Variants in ZNF609 observed in about 807,000 individuals in gnomAD.
The protein encoded by ZNF609 is zinc finger protein 609.
In ZNF609, 11 loss-of-function variants were observed where a neutral mutation model predicts 109.5. The ratio of observed to expected loss-of-function variants is 0.10; its 90% CI spans 0.06 to 0.17. The LOEUF (loss-of-function observed/expected upper bound fraction) is 0.17, where lower values mean the gene tolerates loss of function less well. Among genes scored for constraint, ZNF609 ranks in the 10% least tolerant of loss-of-function variants. ZNF609 has a pLI of 1.00. For missense variants in ZNF609, 1,559 were observed against 1,772.4 expected (o/e 0.88, Z 2.16); for synonymous variants, 646 against 662.0 (o/e 0.98, Z 0.37).
intron 2 of ZNF609, among the ~76,000 whole-genome samples, chr15:64,512,752 C>T (rs563019579): frequency 6.6e-6 from 1 of 151,710 alleles, no homozygotes; most frequent in African/African-American, 2.4e-5. Flanking sequence ...AAGTCTTATG[C>T]CTGAAGAAGA....
intron 2 of ZNF609, among the ~76,000 whole-genome samples, chr15:64,622,309 G>A (rs1040151918): frequency 1.3e-5 from 2 of 152,110 alleles, no homozygotes; most frequent in Non-Finnish European, 2.9e-5. Context: ...GCATTCCTAG[G>A]ATTTGGCTAT....
chr15:64,621,069 ACT>A (rs1010904719), intron 2 of ZNF609, among the ~76,000 whole-genome samples: 2 of 151,974 alleles, frequency 1.3e-5, no homozygotes, highest in Admixed American at 6.6e-5. Context: ...CTCACAAAGG[ACT>A]CTCTATTAAA....
intron 1 of ZNF609, chr15:64,471,481 C>T (rs973371680): frequency 6.6e-6 from 1 of 152,124 alleles, no homozygotes; most frequent in Non-Finnish European, 1.5e-5. Flanking sequence ...ATCTATAGCA[C>T]ATTACTAATT....
intron 2 of ZNF609, among the ~76,000 whole-genome samples, chr15:64,564,482 G>A (rs1170532888): frequency 5.3e-5 from 8 of 152,194 alleles, no homozygotes; most frequent in Non-Finnish European, 8.8e-5. Context: ...GTAACATTTA[G>A]AAGTTGAGAG....
chr15:64,567,192 G>C (rs998339845), intron 2 of ZNF609, among the ~76,000 whole-genome samples: 2 of 151,992 alleles, frequency 1.3e-5, no homozygotes, highest in African/African-American at 2.4e-5. Context: ...CCTTTAAAAA[G>C]CCTTGCATTC....
At chr15:64,627,358 A>T (rs1235748982) in intron 3 of ZNF609, among the ~76,000 whole-genome samples, 1 of 152,200 alleles carries the variant, frequency 6.6e-6, no homozygotes, top group Non-Finnish European at 1.5e-5. Context: ...TTTTAAAGAA[A>T]GGCAAGGCTG....
In ZNF609 at chr15:64,623,068, G is replaced by A. The variant is rs768580778; in HGVS notation, c.973+16G>A. ...ACAGAAGATGGTAAGTGTGATATGTGGCTTTCCCCTCCCTTCTCAACCTGC... is the reference window on the plus strand; with the variant it reads ...ACAGAAGATGGTAAGTGTGATATGTAGCTTTCCCCTCCCTTCTCAACCTGC... On this transcript the variant is annotated intron_variant, in intron 3 of 9. Transcript: ENST00000326648. The A allele has an allele frequency of 6.2e-7, 1 of 1,610,508 alleles. No homozygotes were observed. Among genetic ancestry groups the A allele is most frequent in the South Asian group, 1.1e-5 (1 of 91,004 alleles).
At chr15:64,469,960 A>G (rs1265184128) in intron 1 of ZNF609, among the ~76,000 whole-genome samples, 1 of 152,162 alleles carries the variant, frequency 6.6e-6, no homozygotes, top group Non-Finnish European at 1.5e-5. Flanking sequence ...GAAATCTGGG[A>G]GCTAAATTGG....
At chr15:64,484,365 A>T (rs768967991) in intron 1 of ZNF609, among the ~76,000 whole-genome samples, 1 of 152,146 alleles carries the variant, frequency 6.6e-6, no homozygotes, top group Non-Finnish European at 1.5e-5. Context: ...TTAGCTAACA[A>T]TTGCAGCCCC....
chr15:64,506,405 G>C (rs1426990536), intron 2 of ZNF609, among the ~76,000 whole-genome samples: 1 of 149,974 alleles, frequency 6.7e-6, no homozygotes, highest in Non-Finnish European at 1.5e-5. Context: ...TTACAGGCAT[G>C]AGCCGTCACA....
intron 2 of ZNF609, among the ~76,000 whole-genome samples, chr15:64,552,948 C>A (rs748337410): frequency 3.9e-5 from 6 of 152,146 alleles, no homozygotes; most frequent in Non-Finnish European, 8.8e-5. Context: ...TGCACTCAGC[C>A]AAAATGAGTT....
At chr15:64,518,482 C>T (rs1166280521) in intron 2 of ZNF609, among the ~76,000 whole-genome samples, 1 of 152,176 alleles carries the variant, frequency 6.6e-6, no homozygotes, top group Non-Finnish European at 1.5e-5. Context: ...CCTTAAAAGC[C>T]TTGTTAAAGG....
rs141999944 is a variant in ZNF609 at position 64,507,967 on chromosome 15, A to G, written c.747+7801A>G. Among the ~76,000 whole-genome samples, 970 of 152,290 alleles carry G rather than the reference A, an allele frequency of 6.4e-3. 14 individuals carry two copies. Among genetic ancestry groups the G allele is most frequent in the African/African-American group, 0.022 (928 of 41,558 alleles). ...ACCTTTCCTGGCTGACCGAGGAGAC[A>G]TTTTTAACAAATCCTATTCCCTAAA... On this transcript the variant is annotated intron_variant, in intron 2 of 9. Coordinates refer to ENST00000326648, the MANE Select transcript of ZNF609 (RefSeq NM_015042.2).
chr15:64,680,972 C>A, intron 8 of ZNF609, 110 bp downstream of exon 8: 1 of 1,289,326 alleles, frequency 7.8e-7, no homozygotes, highest in Non-Finnish European at 1.0e-6. Flanking sequence ...TCATAAGAAT[C>A]CTTTTTTAAT....
intron 2 of ZNF609, among the ~76,000 whole-genome samples, chr15:64,603,942 A>T (rs967633095): frequency 9.6e-5 from 14 of 145,206 alleles, no homozygotes; most frequent in Non-Finnish European, 2.0e-4. Context: ...AGGTTGCAGT[A>T]AGCCGAGATC....
intron 3 of ZNF609, among the ~76,000 whole-genome samples, chr15:64,656,690 T>C (rs772642849): frequency 6.6e-6 from 1 of 151,910 alleles, no homozygotes; most frequent in Non-Finnish European, 1.5e-5. Context: ...TCCTTCCTTC[T>C]TTTCTTCCTC....
At chr15:64,577,076 A>AC (rs1347170615) in intron 2 of ZNF609, among the ~76,000 whole-genome samples, 5 of 46,528 alleles carry the variant, frequency 1.1e-4, no homozygotes, top group Non-Finnish European at 2.7e-4. Context: ...ATATATACAC[A>AC]AATATATACA....
At chr15:64,511,310 A>G (rs745807497) in intron 2 of ZNF609, among the ~76,000 whole-genome samples, 3 of 151,930 alleles carry the variant, frequency 2.0e-5, no homozygotes. Context: ...TATCACTACT[A>G]AAAATACAAA....
At chr15:64,543,992 TTGAC>T (rs964781520) in intron 2 of ZNF609, among the ~76,000 whole-genome samples, 4 of 152,156 alleles carry the variant, frequency 2.6e-5, no homozygotes, top group African/African-American at 7.2e-5. Context: ...TAAGTGCTCC[TTGAC>T]TGACTCTCAT....
Sources: allele counts gnomAD v4.1 joint callset (sites outside exome capture counted in the v4.1 genomes callset), GRCh38; gene constraint gnomAD v4.1.1; transcripts MANE v1.5; gene names NCBI Gene and HGNC (gene_info 2026-07-23, HGNC 2026-07-21).